Variants in KCTD21 observed in about 807,000 individuals in gnomAD.
KCTD21 encodes the protein BTB/POZ domain-containing protein KCTD21.
In KCTD21, 9 loss-of-function variants were observed where a neutral mutation model predicts 13.2. The observed-to-expected ratio is 0.68, with a 90% confidence interval of 0.41 to 1.19. The LOEUF (loss-of-function observed/expected upper bound fraction) is 1.19. Ranked by LOEUF, KCTD21 falls within the 50% of genes most tolerant of loss-of-function variation. The pLI is 0.01. For missense variants in KCTD21, 303 were observed against 336.5 expected (o/e 0.90, Z 0.78); for synonymous variants, 142 against 137.4 (o/e 1.03, Z -0.23).
chr11:78,179,683 A>C (rs230656), intron 1 of KCTD21, among the ~76,000 whole-genome samples: 12 of 151,654 alleles, frequency 7.9e-5, no homozygotes, highest in Non-Finnish European at 5.9e-5. Context: ...TTTCCCTCTC[A>C]TGTCTAACCC....
intron 1 of KCTD21, chr11:78,186,820 C>A (rs1007186620): frequency 1.0e-6 from 1 of 985,312 alleles, no homozygotes; most frequent in Admixed American, 6.1e-5. Flanking sequence ...TCTGCATCTG[C>A]GGAGAATTTT....
chr11:78,188,108 T>G, intron 1 of KCTD21: 1 of 985,276 alleles, frequency 1.0e-6, no homozygotes, highest in East Asian at 1.1e-4. Context: ...CCCAGGGCTC[T>G]CCAGAGCGGG....
chr11:78,173,881 TCCACGAAGACCTGGAA>T lies in KCTD21; in HGVS notation c.658_673del (p.Phe220LysfsTer4). ...GCTCAGAGCGATTTTCAGTACCTCTTCCACGAAGACCTGGAAGCTGTTGATCTGCTTGTTGGCGGGC... is the reference window on the plus strand; with the variant it reads ...GCTCAGAGCGATTTTCAGTACCTCTTGCTGTTGATCTGCTTGTTGGCGGGC... On this transcript the variant is annotated frameshift_variant, in exon 2 of 2. Coordinates refer to ENST00000340067, the MANE Select transcript of KCTD21 (RefSeq NM_001029859.3). LOFTEE classifies it high-confidence loss of function. 6.2e-7 allele frequency: 1 copy of T among 1,614,178 alleles called. No individual in the cohort carries two copies. The highest frequency in any genetic ancestry group is 8.5e-7 in the Non-Finnish European group (1 of 1,180,032).
intron 1 of KCTD21, chr11:78,187,907 C>G: frequency 2.0e-6 from 2 of 985,364 alleles, no homozygotes; most frequent in Non-Finnish European, 2.4e-6. Flanking sequence ...CAAGTCCCTT[C>G]GCTTTTCTGA....
chr11:78,173,982 A>G lies in KCTD21; in HGVS notation c.573T>C (p.Asn191=). The change falls in exon 2 of 2, where the codon AAT becomes AAC. Residue 191 remains asparagine, a synonymous_variant. Coordinates refer to ENST00000340067, the MANE Select transcript of KCTD21 (RefSeq NM_001029859.3). ...ACTCCTCCTCTGGCAGGCCCTCCAC[A>G]TTGGCCACCCAGTCCAGAGTCAGGT... ...PNHLTLDWVA[N]VEGLPEEEYT... is the part of the protein sequence containing the mutation. The G allele has an allele frequency of 3.7e-6, 6 of 1,613,934 alleles. No homozygotes were observed. The highest frequency in any genetic ancestry group is 5.1e-6 in the Non-Finnish European group (6 of 1,180,000).
rs578128109 is a variant in KCTD21 at position 78,182,338 on chromosome 11, C to G, written c.-30+6235G>C. On this transcript the variant is annotated intron_variant, in intron 1 of 1. Transcript: ENST00000340067. ...AATTAATTATAGTTGTTATGCTATC[C>G]TAATCCAAATCCCAATAGTATTTTT... 2.0e-5 allele frequency among the ~76,000 whole-genome samples: 3 copies of G among 147,666 alleles called. No homozygotes were observed. The East Asian group carries it at 6.3e-4, about 31-fold the overall frequency.
At chr11:78,184,306 ATATT>A (rs1352061107) in intron 1 of KCTD21, among the ~76,000 whole-genome samples, 1 of 152,202 alleles carries the variant, frequency 6.6e-6, no homozygotes, top group Non-Finnish European at 1.5e-5. Flanking sequence ...CCAATCAAAC[ATATT>A]TAAATAGGTG....
rs751383431 is a variant in KCTD21 at position 78,174,219 on chromosome 11, G to A, written c.336C>T (p.Leu112=). 3 of 1,614,064 alleles carry A rather than the reference G, an allele frequency of 1.9e-6. No homozygotes were observed. The highest frequency in any genetic ancestry group is 2.2e-5 in the South Asian group (2 of 91,082). The part of the protein sequence containing the change: ...ELSKAEKNAM[L]NITLNQRVQT... ...GCACACGCTGGTTCAGTGTGATGTT[G>A]AGCATGGCATTCTTCTCGGCCTTGG... is the stretch of plus-strand genomic sequence containing the variant. The change falls in exon 2 of 2, where the codon CTC becomes CTT. Residue 112 remains leucine (L), a synonymous_variant. Coordinates refer to ENST00000340067, the MANE Select transcript of KCTD21 (RefSeq NM_001029859.3).
intron 1 of KCTD21, among the ~76,000 whole-genome samples, chr11:78,175,491 A>C (rs933420636): frequency 6.6e-6 from 1 of 152,252 alleles, no homozygotes; most frequent in South Asian, 2.1e-4. Context: ...TGAAAGAAAA[A>C]TGTGTAAATG....
At chr11:78,186,928 C>G in intron 1 of KCTD21, 1 of 985,448 alleles carries the variant, frequency 1.0e-6, no homozygotes, top group Non-Finnish European at 1.2e-6. Context: ...CACAGAAGCA[C>G]GTAGAATAGG....
At chr11:78,182,154 T>G (rs1261619584) in intron 1 of KCTD21, among the ~76,000 whole-genome samples, 1 of 152,188 alleles carries the variant, frequency 6.6e-6, no homozygotes, top group Non-Finnish European at 1.5e-5. Flanking sequence ...CTAAAAACTG[T>G]GTAATTTCCC....
rs368079340 is a variant in KCTD21 at position 78,180,757 on chromosome 11, A to G, written c.-29-6174T>C. On this transcript the variant is annotated intron_variant, in intron 1 of 1. Coordinates refer to ENST00000340067, the MANE Select transcript of KCTD21 (RefSeq NM_001029859.3). ...TGACAAATGGTAACCGCTGTTGAAA[A>G]TAGTTTGACATATGGTATGGTTTGG... 7.2e-5 allele frequency among the ~76,000 whole-genome samples: 11 copies of G among 152,328 alleles called. No individual in the cohort carries two copies. The East Asian group carries it at 1.5e-3, about 21-fold the overall frequency.
chr11:78,180,873 C>T (rs903253478), intron 1 of KCTD21, among the ~76,000 whole-genome samples: 5 of 147,854 alleles, frequency 3.4e-5, no homozygotes, highest in African/African-American at 7.6e-5. Flanking sequence ...ATCATTGGGG[C>T]GGTTTTCCTC....
At chr11:78,178,800 C>A (rs1317969455) in intron 1 of KCTD21, among the ~76,000 whole-genome samples, 1 of 152,120 alleles carries the variant, frequency 6.6e-6, no homozygotes, top group African/African-American at 2.4e-5. Context: ...GGGCAGGGAC[C>A]CTAAGACCAA....
chr11:78,184,538 T>C (rs1166249979), intron 1 of KCTD21, among the ~76,000 whole-genome samples: 2 of 152,134 alleles, frequency 1.3e-5, no homozygotes, highest in Admixed American at 6.5e-5. Flanking sequence ...GGTATCACCA[T>C]GTTGGCCAGG....
In KCTD21 at chr11:78,174,531, G is replaced by A. The variant is rs113793532; in HGVS notation, c.24C>T (p.Asn8=). MSDPITL[N]VGGKLYTTSL... Reference sequence around the variant, plus strand: ...AGGTTGTATAGAGCTTCCCCCCGACGTTCAGCGTGATGGGGTCGGACATGG... The same window carrying A: ...AGGTTGTATAGAGCTTCCCCCCGACATTCAGCGTGATGGGGTCGGACATGG... The change falls in exon 2 of 2, where the codon AAC becomes AAT. Residue 8 remains asparagine (N), a synonymous_variant. Transcript: ENST00000340067. 4.0e-5 allele frequency: 65 copies of A among 1,613,062 alleles called. No homozygotes were observed. In the African/African-American group the frequency reaches 5.6e-4, roughly 14 times the overall value.
At chr11:78,188,392 G>A in intron 1 of KCTD21, 181 bp downstream of exon 1, 1 of 985,302 alleles carries the variant, frequency 1.0e-6, no homozygotes, top group Non-Finnish European at 1.2e-6. Context: ...TGCCCACTTC[G>A]GCTCACCTCG....
intron 1 of KCTD21, chr11:78,187,051 G>A: frequency 1.0e-6 from 1 of 985,382 alleles, no homozygotes; most frequent in Non-Finnish European, 1.2e-6. Flanking sequence ...GAATCTAAAG[G>A]GATGTGACAA....
At chr11:78,177,806 T>A (rs1862498206) in intron 1 of KCTD21, 1 of 152,268 alleles carries the variant, frequency 6.6e-6, no homozygotes, top group African/African-American at 2.4e-5. Flanking sequence ...CAGACCCTTA[T>A]CTCTTCCATG....
Sources: gnomAD v4.1 joint callset for allele counts (sites outside exome capture counted in the v4.1 genomes callset) on GRCh38, gnomAD v4.1.1 for gene constraint, MANE v1.5 for transcripts, NCBI Gene and HGNC (gene_info 2026-07-23, HGNC 2026-07-21) for gene names.